The following MDGA2 variants were observed in gnomAD, a reference collection of about 807,000 sequenced individuals.
MDGA2 encodes MAM domain containing glycosylphosphatidylinositol anchor 2, also known as MAM domain-containing glycosylphosphatidylinositol anchor protein 2.
Under a neutral mutation model 117.8 loss-of-function variants are expected in MDGA2, and 40 were observed. The ratio of observed to expected loss-of-function variants is 0.34; its 90% CI spans 0.26 to 0.44. MDGA2 has a LOEUF of 0.44. Among genes scored for constraint, MDGA2 ranks in the 20% least tolerant of loss-of-function variants. The pLI is 1.00. For missense variants in MDGA2, 1,123 were observed against 1,250.6 expected (o/e 0.90, Z 1.54); for synonymous variants, 452 against 439.0 (o/e 1.03, Z -0.37).
chr14:47,174,428 C>A (rs1254352248), intron 3 of MDGA2, among the ~76,000 whole-genome samples: 1 of 152,084 alleles, frequency 6.6e-6, no homozygotes, highest in Non-Finnish European at 1.5e-5. Context: ...TCTAAAAGAA[C>A]AGAAATTATA....
chr14:47,055,124 A>G (rs1889628562), intron 7 of MDGA2, among the ~76,000 whole-genome samples: 1 of 151,474 alleles, frequency 6.6e-6, no homozygotes, highest in Admixed American at 6.6e-5. Flanking sequence ...ATTCTGTCAC[A>G]ATGCAAAGGT....
In MDGA2 at chr14:47,587,079, T is replaced by G. The variant is rs145616884; in HGVS notation, c.280+87438A>C. On this transcript the variant is annotated intron_variant, in intron 1 of 16. Coordinates refer to ENST00000399232, the MANE Select transcript of MDGA2 (RefSeq NM_001113498.3). Reference sequence around the variant, plus strand: ...CAGGACCAGAAAATCAAACACTGCCTGTTCTCACTTACAAATGGAAGCTAA... The same window carrying G: ...CAGGACCAGAAAATCAAACACTGCCGGTTCTCACTTACAAATGGAAGCTAA... 3.7e-3 allele frequency among the ~76,000 whole-genome samples: 565 copies of G among 152,054 alleles called. 3 individuals are homozygous for G. The highest frequency in any genetic ancestry group is 0.013 in the African/African-American group (527 of 41,522).
intron 1 of MDGA2, among the ~76,000 whole-genome samples, chr14:47,318,320 G>A (rs1029674920): frequency 1.3e-5 from 2 of 151,928 alleles, no homozygotes; most frequent in Non-Finnish European, 2.9e-5. Context: ...CTCTCTTTCC[G>A]GTCTTTCTAA....
chr14:47,351,759 T>C (rs1456529563), intron 1 of MDGA2, among the ~76,000 whole-genome samples: 2 of 152,132 alleles, frequency 1.3e-5, no homozygotes, highest in Non-Finnish European at 2.9e-5. Flanking sequence ...GCAGAAATCG[T>C]TTCACAGATG....
At chr14:47,602,336 T>G (rs1896663647) in intron 1 of MDGA2, among the ~76,000 whole-genome samples, 1 of 152,150 alleles carries the variant, frequency 6.6e-6, no homozygotes, top group Non-Finnish European at 1.5e-5. Context: ...AATTAATGCC[T>G]GCTTCCAGAT....
At chr14:47,049,201 C>T (rs1163919792) in intron 7 of MDGA2, among the ~76,000 whole-genome samples, 2 of 152,066 alleles carry the variant, frequency 1.3e-5, no homozygotes, top group African/African-American at 2.4e-5. Flanking sequence ...GACATTTAAA[C>T]TGCTTGTCAT....
intron 1 of MDGA2, among the ~76,000 whole-genome samples, chr14:47,526,950 G>A (rs1057153364): frequency 2.0e-5 from 3 of 152,094 alleles, no homozygotes; most frequent in South Asian, 2.1e-4. Flanking sequence ...TTTCACCCAC[G>A]TCTCCCAAGA....
intron 11 of MDGA2, among the ~76,000 whole-genome samples, chr14:46,879,958 C>T (rs1489273709): frequency 6.6e-6 from 1 of 152,070 alleles, no homozygotes; most frequent in Non-Finnish European, 1.5e-5. Context: ...TAAGGGTAAA[C>T]ACAATGGAGT....
intron 1 of MDGA2, among the ~76,000 whole-genome samples, chr14:47,350,659 C>G (rs995466020): frequency 1.3e-5 from 2 of 152,148 alleles, no homozygotes; most frequent in African/African-American, 4.8e-5. Context: ...GAAATAATTT[C>G]TAAAATCTAG....
chr14:47,567,514 A>G (rs1215307983), intron 1 of MDGA2, among the ~76,000 whole-genome samples: 1 of 152,296 alleles, frequency 6.6e-6, no homozygotes, highest in African/African-American at 2.4e-5. Context: ...GCTCATTCCA[A>G]CTATGACAGA....
intron 9 of MDGA2, among the ~76,000 whole-genome samples, chr14:46,941,605 T>G (rs944399595): frequency 1.3e-5 from 2 of 152,168 alleles, no homozygotes; most frequent in East Asian, 3.9e-4. Context: ...AAAAGTTCTG[T>G]GATTCCTTCA....
chr14:46,908,154 G>A (rs1419773075), intron 10 of MDGA2, among the ~76,000 whole-genome samples: 1 of 152,044 alleles, frequency 6.6e-6, no homozygotes, highest in Non-Finnish European at 1.5e-5. Flanking sequence ...TAACAATTTG[G>A]AGTGGTATAA....
intron 7 of MDGA2, among the ~76,000 whole-genome samples, chr14:47,060,011 T>C (rs1327168654): frequency 1.3e-5 from 2 of 152,108 alleles, no homozygotes; most frequent in Non-Finnish European, 2.9e-5. Context: ...ACTGACTGTG[T>C]GTATCAACAG....
At chr14:47,353,637 T>TAAC (rs1258937388) in intron 1 of MDGA2, among the ~76,000 whole-genome samples, 2 of 152,040 alleles carry the variant, frequency 1.3e-5, no homozygotes, top group Admixed American at 1.3e-4. Flanking sequence ...AGTAGACCAA[T>TAAC]AACAACAACA....
chr14:47,458,641 G>A (rs536582472), intron 1 of MDGA2, among the ~76,000 whole-genome samples: 12 of 152,206 alleles, frequency 7.9e-5, no homozygotes, highest in African/African-American at 2.6e-4. Flanking sequence ...TGTGCTAAGA[G>A]GATAGATCCT....
At chr14:47,579,488 A>G (rs1896187191) in intron 1 of MDGA2, among the ~76,000 whole-genome samples, 2 of 151,982 alleles carry the variant, frequency 1.3e-5, no homozygotes, top group African/African-American at 2.4e-5. Flanking sequence ...TAATTTTATG[A>G]TAGTTGAACA....
At chr14:47,421,135 A>C (rs4898567) in intron 1 of MDGA2, among the ~76,000 whole-genome samples, 152,143 of 152,208 alleles carry the variant, frequency 1, 76,039 homozygotes, top group Non-Finnish European at 1. Flanking sequence ...ATAATCTAGG[A>C]ACCTACTCTC....
At chr14:46,910,842 G>A (rs1017868436) in intron 10 of MDGA2, among the ~76,000 whole-genome samples, 5 of 152,074 alleles carry the variant, frequency 3.3e-5, no homozygotes, top group East Asian at 1.9e-4. Context: ...TATCCTTTGC[G>A]GGGACACGGA....
intron 5 of MDGA2, among the ~76,000 whole-genome samples, chr14:47,115,430 A>ATT (rs1421939999): frequency 6.6e-6 from 1 of 152,054 alleles, no homozygotes; most frequent in Non-Finnish European, 1.5e-5. Flanking sequence ...GCCTTCCCTA[A>ATT]GAAACCCGAG....
Sources: allele counts gnomAD v4.1 joint callset (sites outside exome capture counted in the v4.1 genomes callset), GRCh38; gene constraint gnomAD v4.1.1; transcripts MANE v1.5; gene names NCBI Gene and HGNC (gene_info 2026-07-23, HGNC 2026-07-21).